Variants in ADGRL3 observed in about 807,000 individuals in gnomAD.
ADGRL3 encodes adhesion G protein-coupled receptor L3.
A neutral mutation model predicts 153.5 loss-of-function variants in ADGRL3; 62 were observed. That is an observed-to-expected ratio of 0.40 (90% CI 0.33 to 0.50). The LOEUF is 0.50. ADGRL3 is among the 20% of genes least tolerant of loss of function. The pLI is 0.47. For synonymous variants in ADGRL3, 710 were observed against 672.5 expected (o/e 1.06, Z -0.86); for missense variants, 1,641 against 1,859.4 (o/e 0.88, Z 2.16).
chr4:61,262,152 C>G (rs1311761725), intron 1 of ADGRL3, among the ~76,000 whole-genome samples: 3 of 152,134 alleles, frequency 2.0e-5, no homozygotes, highest in Non-Finnish European at 4.4e-5. Flanking sequence ...ATGATTTTTA[C>G]ATTTTGGCAG....
chr4:62,045,422 T>C (rs905644702), intron 25 of ADGRL3, among the ~76,000 whole-genome samples: 1 of 152,032 alleles, frequency 6.6e-6, no homozygotes, highest in African/African-American at 2.4e-5. Context: ...TTTAAGGTAT[T>C]TTTATGATCG....
intron 2 of ADGRL3, among the ~76,000 whole-genome samples, chr4:61,425,715 A>G (rs147281345): frequency 1.3e-5 from 2 of 152,316 alleles, no homozygotes; most frequent in East Asian, 3.9e-4. Context: ...CAGATGTCCC[A>G]CAGAGGAGGG....
At chr4:61,795,632 G>A (rs951888864) in intron 8 of ADGRL3, among the ~76,000 whole-genome samples, 11 of 151,974 alleles carry the variant, frequency 7.2e-5, no homozygotes, top group African/African-American at 2.2e-4. Context: ...ATCAACTACC[G>A]TCTGCAAATG....
intron 1 of ADGRL3, among the ~76,000 whole-genome samples, chr4:61,322,401 C>T (rs1269938353): frequency 6.6e-6 from 1 of 152,148 alleles, no homozygotes; most frequent in African/African-American, 2.4e-5. Flanking sequence ...CCAAGAGTCA[C>T]CTAAAGTCTC....
intron 1 of ADGRL3, among the ~76,000 whole-genome samples, chr4:61,264,335 C>T (rs964076050): frequency 8.5e-5 from 13 of 152,054 alleles, no homozygotes; most frequent in African/African-American, 3.1e-4. Context: ...TAACCTTTTC[C>T]TTAAACTACC....
intron 8 of ADGRL3, among the ~76,000 whole-genome samples, chr4:61,747,070 CTGCAAACACCTCTA>C (rs2096673210): frequency 6.6e-6 from 1 of 152,344 alleles, no homozygotes; most frequent in African/African-American, 2.4e-5. Flanking sequence ...TCAGAGAATA[CTGCAAACACCTCTA>C]TGCAAATAAA....
intron 25 of ADGRL3, chr4:62,063,648 A>G: frequency 1.5e-6 from 1 of 659,298 alleles, no homozygotes; most frequent in Admixed American, 2.2e-5. Context: ...GCTGGAGTTT[A>G]TCTTAATTTT....
intron 5 of ADGRL3, among the ~76,000 whole-genome samples, chr4:61,648,243 C>G (rs1560997616): frequency 1.3e-5 from 2 of 151,498 alleles, no homozygotes; most frequent in African/African-American, 4.9e-5. Flanking sequence ...GATCTTATAC[C>G]ACCTTAAAAA....
chr4:61,978,361 G>A (rs922635608), intron 17 of ADGRL3, among the ~76,000 whole-genome samples: 2 of 150,818 alleles, frequency 1.3e-5, no homozygotes, highest in African/African-American at 4.9e-5. Flanking sequence ...TTAGATTTTT[G>A]TGTATTATCC....
At chr4:61,599,943 T>C (rs1440559953) in intron 5 of ADGRL3, among the ~76,000 whole-genome samples, 1 of 152,186 alleles carries the variant, frequency 6.6e-6, no homozygotes, top group East Asian at 1.9e-4. Context: ...ATATTTGTTA[T>C]TTTGATAGAC....
rs554714926 is a variant in ADGRL3, at chr4:61,532,171, G to A, written c.259+14653G>A. 3.3e-5 allele frequency among the ~76,000 whole-genome samples: 5 copies of A among 152,312 alleles called. No homozygotes were observed. The South Asian group carries it at 1.0e-3, about 32-fold the overall frequency. Reference sequence around the variant, plus strand: ...GGTCACCAGTTTATACTGCATGTGAGGAAGGAAGGCAGTCAGATATGCGTG... The same window carrying A: ...GGTCACCAGTTTATACTGCATGTGAAGAAGGAAGGCAGTCAGATATGCGTG... On this transcript the variant is annotated intron_variant, in intron 4 of 26. Coordinates refer to ENST00000683033, the MANE Select transcript of ADGRL3 (RefSeq NM_001387552.1).
chr4:61,604,932 A>T (rs1053591457), intron 5 of ADGRL3, among the ~76,000 whole-genome samples: 1 of 151,918 alleles, frequency 6.6e-6, no homozygotes, highest in Non-Finnish European at 1.5e-5. Context: ...TCTTCTAAAA[A>T]TACAAAACTT....
intron 4 of ADGRL3, among the ~76,000 whole-genome samples, chr4:61,572,127 A>G (rs2098841509): frequency 6.6e-6 from 1 of 152,134 alleles, no homozygotes; most frequent in African/African-American, 2.4e-5. Context: ...TTGGCTTTTT[A>G]TAAATCCTTT....
At chr4:61,209,034 A>T (rs1738616984) in intron 1 of ADGRL3, among the ~76,000 whole-genome samples, 1 of 152,106 alleles carries the variant, frequency 6.6e-6, no homozygotes, top group Non-Finnish European at 1.5e-5. Flanking sequence ...TTTGGCAACT[A>T]TTTAAGAACT....
chr4:61,948,103 T>A lies in ADGRL3; in HGVS notation c.2632T>A (p.Ser878Thr), dbSNP rs2150316316. 3.1e-6 allele frequency: 5 copies of A among 1,609,972 alleles called. No individual in the cohort carries two copies. In the East Asian group the frequency reaches 1.1e-4, roughly 36 times the overall value. The stretch of plus-strand genomic sequence containing the variant: ...ATGGATTTTTTTTCCCCTGTAGCAG[T>A]CAGAGGAAAATTTCAACCCTAACTG... ...VVFTVKHIKQ[S>T]EENFNPNCSF... Residue 878 changes from serine to threonine, a missense_variant, in exon 17 of 27, where the codon TCA becomes ACA. Coordinates refer to ENST00000683033, the MANE Select transcript of ADGRL3 (RefSeq NM_001387552.1).
chr4:61,754,277 A>G (rs1220860857), intron 8 of ADGRL3, among the ~76,000 whole-genome samples: 1 of 152,180 alleles, frequency 6.6e-6, no homozygotes, highest in Non-Finnish European at 1.5e-5. Flanking sequence ...ACTTATTCAT[A>G]TATTTATATT....
chr4:61,972,895 A>G (rs2099034236), intron 17 of ADGRL3, among the ~76,000 whole-genome samples: 1 of 152,126 alleles, frequency 6.6e-6, no homozygotes, highest in Non-Finnish European at 1.5e-5. Context: ...ATTATTGTGC[A>G]AAAAGTAAAA....
intron 5 of ADGRL3, among the ~76,000 whole-genome samples, chr4:61,627,401 G>C (rs1469511796): frequency 6.6e-6 from 1 of 152,074 alleles, no homozygotes; most frequent in Non-Finnish European, 1.5e-5. Context: ...ATCACCTGAG[G>C]TCAGGAGTCC....
intron 24 of ADGRL3, among the ~76,000 whole-genome samples, chr4:62,043,680 GT>G (rs1380454567): frequency 6.6e-6 from 1 of 151,936 alleles, no homozygotes; most frequent in African/African-American, 2.4e-5. Context: ...TCACAAGATT[GT>G]TAATACTTTT....
Sources: gnomAD v4.1 joint callset for allele counts (sites outside exome capture counted in the v4.1 genomes callset) on GRCh38, gnomAD v4.1.1 for gene constraint, MANE v1.5 for transcripts, NCBI Gene and HGNC (gene_info 2026-07-23, HGNC 2026-07-21) for gene names.